MNS1: variants seen among roughly 807,000 people sequenced by gnomAD.
MNS1 encodes meiosis-specific nuclear structural protein 1.
MNS1 carries 63 observed loss-of-function variants against 72.0 expected under a neutral mutation model. The ratio of observed to expected loss-of-function variants is 0.87; its 90% CI spans 0.71 to 1.08. MNS1 has a LOEUF of 1.08. Ranked by LOEUF, MNS1 falls within the 50% of genes least tolerant of loss-of-function variation. The pLI is 0.00. For synonymous variants in MNS1, 188 were observed against 172.1 expected (o/e 1.09, Z -0.72); for missense variants, 604 against 562.4 (o/e 1.07, Z -0.75).
chr15:56,454,792 C>T (rs984720936), intron 3 of MNS1, among the ~76,000 whole-genome samples: 1 of 152,114 alleles, frequency 6.6e-6, no homozygotes, highest in Non-Finnish European at 1.5e-5. Flanking sequence ...TTTAAATTCT[C>T]ATCTGTATTT....
rs2050681894 is a variant in MNS1, at chr15:56,434,364, T to G, written c.1043A>C (p.Lys348Thr). The G allele has an allele frequency of 6.2e-7, 1 of 1,612,600 alleles. No individual in the cohort carries two copies. Among genetic ancestry groups the G allele is most frequent in the Non-Finnish European group, 8.5e-7 (1 of 1,179,608 alleles). The change falls in exon 8 of 10, where the codon AAA becomes ACA. Residue 348 changes from lysine (K) to threonine (T), a missense_variant. Transcript: ENST00000260453. ...TTCTTCAAAATCTTGCTTCATCTCT[T>G]TTTGCTTTCTCAATTTCTTTTCTGC... ...EEAEKKLRKQ[K>T]EMKQDFEEQM... is the part of the protein sequence containing the mutation.
In MNS1 at chr15:56,464,997, C is replaced by G. The variant is rs772687048; in HGVS notation, c.-25G>C. 6.2e-6 allele frequency: 10 copies of G among 1,608,230 alleles called. No individual in the cohort carries two copies. In the Middle Eastern group the frequency reaches 6.6e-4, roughly 106 times the overall value. On this transcript the variant is annotated 5_prime_UTR_variant, in exon 1 of 10. Coordinates refer to ENST00000260453, the MANE Select transcript of MNS1 (RefSeq NM_018365.4). Reference sequence around the variant, plus strand: ...TCTTGGCTGACGAAAAATACCCCCTCTCGTGGGACCGCGGCCACCACCTCC... The same window carrying G: ...TCTTGGCTGACGAAAAATACCCCCTGTCGTGGGACCGCGGCCACCACCTCC...
At chr15:56,460,009 A>AAAAAAAAAAAAAAAAAATATATATAT in intron 2 of MNS1, among the ~76,000 whole-genome samples, 1 of 26,406 alleles carries the variant, frequency 3.8e-5, no homozygotes, top group African/African-American at 1.5e-4. Context: ...AAAAAAAAAA[A>AAAAAAAAAAAAAAAAAATATATATAT]ATACATATAT....
At position 56,446,932 on chromosome 15, in the gene MNS1, C is replaced by G. The variant is rs768217228; in HGVS notation, c.365G>C (p.Arg122Thr). ...QQVRENSIEL[R>T]ELEKKLKAAY... is the part of the protein sequence containing the mutation. ...TGCTTTTAATTTCTTCTCCAATTCTCTAAGCTCAATGCTGTTTAAAAAAAC... is the reference window on the plus strand; with the variant it reads ...TGCTTTTAATTTCTTCTCCAATTCTGTAAGCTCAATGCTGTTTAAAAAAAC... Residue 122 changes from arginine to threonine, a missense_variant, in exon 4 of 10, where the codon AGA (arginine) becomes ACA (threonine). By Grantham distance (71) the Arg-to-Thr change is moderately conservative. Transcript: ENST00000260453. The G allele has an allele frequency of 1.9e-5, 30 of 1,607,486 alleles. No individual in the cohort carries two copies. In the East Asian group the frequency reaches 3.1e-4, roughly 17 times the overall value.
intron 7 of MNS1, among the ~76,000 whole-genome samples, chr15:56,441,381 A>G (rs2050811644): frequency 6.6e-6 from 1 of 152,138 alleles, no homozygotes; most frequent in African/African-American, 2.4e-5. Flanking sequence ...AGTATTCTCT[A>G]AATGTCAGGT....
chr15:56,452,593 A>G (rs1369122743), intron 3 of MNS1, among the ~76,000 whole-genome samples: 4 of 148,384 alleles, frequency 2.7e-5, no homozygotes, highest in African/African-American at 1.0e-4. Context: ...ATCTTGGCTC[A>G]CTGCAAGCTC....
intron 8 of MNS1, among the ~76,000 whole-genome samples, chr15:56,433,630 C>T (rs1462396937): frequency 6.6e-6 from 1 of 152,108 alleles, no homozygotes; most frequent in Non-Finnish European, 1.5e-5. Context: ...ATCTCCCTAT[C>T]TCCGAGCTTA....
chr15:56,462,497 G>A (rs1362413371), intron 2 of MNS1, among the ~76,000 whole-genome samples: 2 of 152,170 alleles, frequency 1.3e-5, no homozygotes, highest in African/African-American at 4.8e-5. Flanking sequence ...GTTCTATTTA[G>A]AGGAAATATA....
At chr15:56,459,152 A>G (rs925797583) in intron 2 of MNS1, among the ~76,000 whole-genome samples, 1 of 151,934 alleles carries the variant, frequency 6.6e-6, no homozygotes, top group African/African-American at 2.4e-5. Context: ...CTACTTATCT[A>G]TTTTTTGTCT....
chr15:56,442,944 T>A (rs2140355471), intron 7 of MNS1, among the ~76,000 whole-genome samples: 1 of 152,238 alleles, frequency 6.6e-6, no homozygotes, highest in Admixed American at 6.5e-5. Context: ...TGATTGTGGA[T>A]TTGCCTCTTT....
chr15:56,463,780 CAAA>C (rs769290574), intron 2 of MNS1: 501 of 348,458 alleles, frequency 1.4e-3, no homozygotes, highest in South Asian at 2.1e-3. Context: ...AGACTCCATC[CAAA>C]AAAAAAAAAA....
intron 9 of MNS1, 42 bp from the exon 10 acceptor site, chr15:56,429,235 A>G (rs1026838512): frequency 1.3e-5 from 16 of 1,260,966 alleles, no homozygotes; most frequent in Non-Finnish European, 1.8e-5. Context: ...GAATACCAGA[A>G]TATTTCACTA....
At position 56,429,032 on chromosome 15, in the gene MNS1, A is replaced by C. The variant is rs1334789585; in HGVS notation, c.*69T>G. On this transcript the variant is annotated 3_prime_UTR_variant, in exon 10 of 10. Transcript: ENST00000260453. The stretch of plus-strand genomic sequence containing the variant: ...GGATACCTAATGCCACTGAACTGTA[A>C]AACAAAAGTTATGCTGACATCTAGT... 3 of 1,015,996 alleles carry C rather than the reference A, an allele frequency of 3.0e-6. No homozygotes were observed. Among genetic ancestry groups the C allele is most frequent in the Non-Finnish European group, 4.3e-6 (3 of 695,650 alleles). The allele number at this position is 1,015,996 out of a possible 1,614,324, so 62.9% of individuals were successfully genotyped here.
At chr15:56,459,726 G>A (rs1468583580) in intron 2 of MNS1, among the ~76,000 whole-genome samples, 2 of 151,938 alleles carry the variant, frequency 1.3e-5, no homozygotes, top group East Asian at 1.9e-4. Flanking sequence ...GCTCATGCCT[G>A]TAATCCACTT....
intron 7 of MNS1, among the ~76,000 whole-genome samples, chr15:56,440,688 T>C (rs1490497579): frequency 3.3e-5 from 5 of 152,310 alleles, no homozygotes; most frequent in Admixed American, 2.6e-4. Flanking sequence ...CAGGAAATTA[T>C]GCTGAATAAA....
chr15:56,434,002 A>C, intron 8 of MNS1, 136 bp downstream of exon 8: 2 of 962,654 alleles, frequency 2.1e-6, no homozygotes, highest in Non-Finnish European at 1.4e-6. Context: ...AAATGGTCAG[A>C]AAATTTATAT....
At chr15:56,445,764 C>T (rs944835458) in intron 4 of MNS1, 2 of 151,974 alleles carry the variant, frequency 1.3e-5, no homozygotes, top group African/African-American at 2.4e-5. Flanking sequence ...TTTTGTGGAT[C>T]AATTTTTATT....
At chr15:56,461,649 A>C (rs1331663173) in intron 2 of MNS1, among the ~76,000 whole-genome samples, 1 of 129,196 alleles carries the variant, frequency 7.7e-6, no homozygotes, top group African/African-American at 2.9e-5. Flanking sequence ...AGACAGATGA[A>C]GACTCTGTCT....
rs376093824 is a variant in MNS1, at chr15:56,462,226, A to C, written c.225+1800T>G. On this transcript the variant is annotated intron_variant, in intron 2 of 9. Coordinates refer to ENST00000260453, the MANE Select transcript of MNS1 (RefSeq NM_018365.4). ...TAATTAAATGTGAAAGGAATAAAAG[A>C]ATCAGAAAATCAGTTTTTGTAACCA... is the stretch of plus-strand genomic sequence containing the variant. 2.0e-5 allele frequency among the ~76,000 whole-genome samples: 3 copies of C among 152,180 alleles called. 1 individual carries two copies. The highest frequency in any genetic ancestry group is 6.5e-5 in the Admixed American group (1 of 15,288).
Sources: allele counts gnomAD v4.1 joint callset (sites outside exome capture counted in the v4.1 genomes callset), GRCh38; gene constraint gnomAD v4.1.1; transcripts MANE v1.5; gene names NCBI Gene and HGNC (gene_info 2026-07-23, HGNC 2026-07-21).